The following PXDNL variants were observed in gnomAD, a reference collection of about 807,000 sequenced individuals.
The protein encoded by PXDNL is peroxidasin like, also known as probable oxidoreductase PXDNL.
PXDNL carries 145 observed loss-of-function variants against 150.8 expected under a neutral mutation model. That is an observed-to-expected ratio of 0.96 (90% CI 0.84 to 1.10). PXDNL has a LOEUF of 1.10. Among genes scored for constraint, PXDNL ranks in the 50% least tolerant of loss-of-function variants. The probability of loss-of-function intolerance (pLI) is 0.00; values close to 1 mark genes in which losing one functional copy is unlikely to be tolerated. For missense variants in PXDNL, 2,087 were observed against 1,873.9 expected, an observed-to-expected ratio of 1.11 and a Z score of -2.10; for synonymous variants, 757 against 725.7, an observed-to-expected ratio of 1.04 and a Z score of -0.69.
At chr8:51,357,872 A>G (rs187567930) in intron 19 of PXDNL, among the ~76,000 whole-genome samples, 1 of 152,336 alleles carries the variant, frequency 6.6e-6, no homozygotes, top group African/African-American at 2.4e-5. Flanking sequence ...ACTTCTGGGC[A>G]TCACACTTTA....
chr8:51,350,692 C>G (rs549949171), intron 19 of PXDNL, among the ~76,000 whole-genome samples: 150 of 152,152 alleles, frequency 9.9e-4, no homozygotes, highest in African/African-American at 3.4e-3. Context: ...CCATGACACC[C>G]GCACACGTGG....
At chr8:51,423,476 T>G in intron 14 of PXDNL, 99 bp downstream of exon 14, 1 of 938,938 alleles carries the variant, frequency 1.1e-6, no homozygotes. Context: ...AAAGAAAGTA[T>G]AAGAGAGCAT....
intron 4 of PXDNL, among the ~76,000 whole-genome samples, chr8:51,507,092 G>A (rs1036142194): frequency 2.6e-5 from 4 of 152,094 alleles, no homozygotes; most frequent in East Asian, 1.9e-4. Context: ...TTGAGTGCCC[G>A]TGAAGTGTGA....
At chr8:51,349,473 C>T (rs546425976) in intron 19 of PXDNL, among the ~76,000 whole-genome samples, 1 of 152,318 alleles carries the variant, frequency 6.6e-6, no homozygotes, top group East Asian at 1.9e-4. Context: ...CGAATGTAAA[C>T]TCATTGCACT....
intron 20 of PXDNL, among the ~76,000 whole-genome samples, chr8:51,340,932 A>G (rs1805968687): frequency 6.6e-6 from 1 of 152,266 alleles, no homozygotes; most frequent in Non-Finnish European, 1.5e-5. Context: ...AATCAAAGGT[A>G]TTTAATCCTG....
chr8:51,557,357 T>G (rs1475136326), intron 3 of PXDNL, among the ~76,000 whole-genome samples: 2 of 152,166 alleles, frequency 1.3e-5, no homozygotes, highest in East Asian at 3.9e-4. Context: ...TGAATTTTGA[T>G]CCTCCTGTGG....
At chr8:51,631,228 A>T (rs1243869362) in intron 2 of PXDNL, among the ~76,000 whole-genome samples, 1 of 152,126 alleles carries the variant, frequency 6.6e-6, no homozygotes, top group East Asian at 1.9e-4. Flanking sequence ...GAAGCTAAAC[A>T]ATGAGAACAC....
chr8:51,784,272 G>A (rs1181933787), intron 1 of PXDNL, among the ~76,000 whole-genome samples: 2 of 152,150 alleles, frequency 1.3e-5, no homozygotes, highest in Non-Finnish European at 2.9e-5. Flanking sequence ...ATGTGTGAAA[G>A]ATCCCTGTAA....
chr8:51,553,504 AAAATATG>A (rs1176669346), intron 4 of PXDNL, among the ~76,000 whole-genome samples: 1 of 152,166 alleles, frequency 6.6e-6, no homozygotes, highest in Admixed American at 6.6e-5. Flanking sequence ...GTAAGTGTAT[AAAATATG>A]CTTTTTAAAG....
At chr8:51,323,956 A>G (rs375954424) in intron 21 of PXDNL, among the ~76,000 whole-genome samples, 1 of 70,252 alleles carries the variant, frequency 1.4e-5, no homozygotes, top group Non-Finnish European at 2.7e-5. Flanking sequence ...AATAAAAAAA[A>G]AAAGAATCTT....
chr8:51,381,324 T>C (rs1807529428), intron 17 of PXDNL, among the ~76,000 whole-genome samples: 1 of 152,204 alleles, frequency 6.6e-6, no homozygotes, highest in Non-Finnish European at 1.5e-5. Context: ...AGCATTTTGT[T>C]TCTCTTTATT....
chr8:51,639,031 C>T (rs868457918), intron 2 of PXDNL, among the ~76,000 whole-genome samples: 3 of 152,156 alleles, frequency 2.0e-5, no homozygotes, highest in Non-Finnish European at 4.4e-5. Flanking sequence ...CAAACTAGAA[C>T]TCAGGATTAA....
At chr8:51,569,939 C>A (rs1483057262) in intron 3 of PXDNL, among the ~76,000 whole-genome samples, 1 of 151,844 alleles carries the variant, frequency 6.6e-6, no homozygotes, top group Non-Finnish European at 1.5e-5. Context: ...AGATGTTTTA[C>A]AGAAAATGGC....
At chr8:51,481,923 G>T (rs1291149194) in intron 6 of PXDNL, among the ~76,000 whole-genome samples, 4 of 152,202 alleles carry the variant, frequency 2.6e-5, no homozygotes, top group Non-Finnish European at 5.9e-5. Flanking sequence ...GAGAACCTCT[G>T]CCAGGGCAGT....
intron 19 of PXDNL, among the ~76,000 whole-genome samples, chr8:51,362,873 T>C (rs75834405): frequency 0.016 from 2,460 of 152,342 alleles, 57 homozygotes; most frequent in African/African-American, 0.053. Context: ...ATTTGGTAAA[T>C]AAAACTAGTT....
chr8:51,602,434 C>G (rs7820523), intron 2 of PXDNL, among the ~76,000 whole-genome samples: 1,726 of 151,956 alleles, frequency 0.011, 13 homozygotes, highest in South Asian at 0.026. Flanking sequence ...AGTCTTCAAG[C>G]TCTGAAATTC....
chr8:51,637,082 G>T (rs1018910627), intron 2 of PXDNL, among the ~76,000 whole-genome samples: 1 of 152,206 alleles, frequency 6.6e-6, no homozygotes, highest in South Asian at 2.1e-4. Flanking sequence ...AGGCAAACAG[G>T]GTCTGGAGTG....
chr8:51,803,712 T>G (rs887556920), intron 1 of PXDNL, among the ~76,000 whole-genome samples: 1 of 152,232 alleles, frequency 6.6e-6, no homozygotes, highest in Non-Finnish European at 1.5e-5. Context: ...GTGACCGTCC[T>G]GGCTTTTGTT....
chr8:51,501,612 A>C (rs1298390753), intron 4 of PXDNL, among the ~76,000 whole-genome samples: 4 of 151,730 alleles, frequency 2.6e-5, no homozygotes, highest in African/African-American at 9.7e-5. Context: ...ACACACTCAC[A>C]CTGTCATGCT....
Sources: allele counts gnomAD v4.1 joint callset (sites outside exome capture counted in the v4.1 genomes callset), GRCh38; gene constraint gnomAD v4.1.1; transcripts MANE v1.5; gene names NCBI Gene and HGNC (gene_info 2026-07-23, HGNC 2026-07-21).